Variants in S100Z observed in about 807,000 individuals in gnomAD.
The protein encoded by S100Z is protein S100-Z.
A neutral mutation model predicts 8.5 loss-of-function variants in S100Z; 11 were observed. The observed-to-expected ratio is 1.30, with a 90% confidence interval of 0.82 to 2.15. S100Z has a LOEUF of 2.15. S100Z is among the 30% of genes most tolerant of loss of function. The pLI, the probability that S100Z is intolerant of heterozygous loss-of-function variation, is 0.00. For missense variants in S100Z, 126 were observed against 117.9 expected (o/e 1.07, Z -0.32); for synonymous variants, 34 against 43.8 (o/e 0.78, Z 0.89).
intron 4 of S100Z, among the ~76,000 whole-genome samples, chr5:76,911,324 C>T (rs575935966): frequency 6.6e-6 from 1 of 152,304 alleles, no homozygotes; most frequent in South Asian, 2.1e-4. Flanking sequence ...AGATCTTAGA[C>T]TCATCAAAAA....
chr5:76,880,839 G>C (rs1032447948), intron 4 of S100Z, among the ~76,000 whole-genome samples: 1 of 152,140 alleles, frequency 6.6e-6, no homozygotes, highest in African/African-American at 2.4e-5. Flanking sequence ...AAAATATACA[G>C]AGTCCCCTTT....
At chr5:76,867,286 G>T (rs1742792592) in intron 1 of S100Z, among the ~76,000 whole-genome samples, 1 of 152,156 alleles carries the variant, frequency 6.6e-6, no homozygotes, top group African/African-American at 2.4e-5. Flanking sequence ...CTAGGAAAAT[G>T]ATAGAACATT....
At chr5:76,911,020 G>A (rs533381056) in intron 4 of S100Z, among the ~76,000 whole-genome samples, 85 of 152,252 alleles carry the variant, frequency 5.6e-4, no homozygotes, top group African/African-American at 2.0e-3. Context: ...TGAATATGAG[G>A]AACAAGTTAC....
the S100Z span, among the ~76,000 whole-genome samples, chr5:76,944,587 A>G: frequency 6.6e-6 from 1 of 152,176 alleles, no homozygotes; most frequent in Non-Finnish European, 1.5e-5. Flanking sequence ...GCTGCTGGCA[A>G]GTCCCACCAA....
At chr5:76,938,066 C>G in the S100Z span, among the ~76,000 whole-genome samples, 8 of 151,840 alleles carry the variant, frequency 5.3e-5, no homozygotes, top group Non-Finnish European at 1.2e-4. Context: ...TGCACTCCAA[C>G]CTGGGCAACA....
downstream of S100Z, among the ~76,000 whole-genome samples, chr5:76,921,915 G>A (rs138107805): frequency 0.018 from 2,793 of 151,840 alleles, 32 homozygotes; most frequent in Non-Finnish European, 0.028. Context: ...TTTGAACTCA[G>A]GAGGCAGAGG....
At chr5:76,922,725 G>A (rs866418752), downstream of S100Z, among the ~76,000 whole-genome samples, 7 of 151,962 alleles carry the variant, frequency 4.6e-5, no homozygotes, top group South Asian at 4.1e-4. Context: ...GGGTTTCACC[G>A]TGTCAGCCAG....
At chr5:76,892,626 A>G (rs1409529027) in intron 4 of S100Z, among the ~76,000 whole-genome samples, 1 of 152,138 alleles carries the variant, frequency 6.6e-6, no homozygotes, top group Non-Finnish European at 1.5e-5. Flanking sequence ...TTAAAGAGGA[A>G]AGAGTGGGCA....
At chr5:76,903,454 C>A (rs1207679240) in intron 4 of S100Z, among the ~76,000 whole-genome samples, 1 of 151,930 alleles carries the variant, frequency 6.6e-6, no homozygotes. Context: ...TTTGTTTATT[C>A]AGTTGAAAAA....
intron 1 of S100Z, among the ~76,000 whole-genome samples, chr5:76,860,864 C>T (rs1751035577): frequency 6.6e-6 from 1 of 151,976 alleles, no homozygotes; most frequent in Admixed American, 6.6e-5. Context: ...TTTTGAGAGG[C>T]CACGCATGAT....
the S100Z span, among the ~76,000 whole-genome samples, chr5:76,939,351 A>T: frequency 6.6e-6 from 1 of 150,974 alleles, no homozygotes; most frequent in Non-Finnish European, 1.5e-5. Flanking sequence ...ATGGGGTTTC[A>T]CTGTGTTAGC....
At chr5:76,917,662 A>G (rs1744896530) in intron 4 of S100Z, among the ~76,000 whole-genome samples, 1 of 152,282 alleles carries the variant, frequency 6.6e-6, no homozygotes, top group South Asian at 2.1e-4. Flanking sequence ...ATCTCTATTG[A>G]AAACACAAAA....
chr5:76,887,237 C>T (rs960050126), intron 4 of S100Z, among the ~76,000 whole-genome samples: 3 of 151,276 alleles, frequency 2.0e-5, no homozygotes, highest in African/African-American at 7.3e-5. Flanking sequence ...GCTGGGATTA[C>T]AGGCACCCAC....
At chr5:76,904,717 T>A (rs957529399) in intron 4 of S100Z, among the ~76,000 whole-genome samples, 18 of 144,868 alleles carry the variant, frequency 1.2e-4, no homozygotes, top group African/African-American at 4.9e-4. Context: ...TAAAAAAAAT[T>A]TTTTTTTGGT....
chr5:76,899,784 A>C (rs539271985), intron 4 of S100Z, among the ~76,000 whole-genome samples: 50 of 152,320 alleles, frequency 3.3e-4, no homozygotes, highest in Admixed American at 1.2e-3. Context: ...TAGTTTATAC[A>C]CTACAGTTGC....
At chr5:76,923,714 G>A (rs946693658), downstream of S100Z, among the ~76,000 whole-genome samples, 5 of 152,260 alleles carry the variant, frequency 3.3e-5, no homozygotes, top group South Asian at 2.1e-4. Context: ...TGGGCAAACC[G>A]TTTTTATAGA....
chr5:76,941,616 A>G, the S100Z span, among the ~76,000 whole-genome samples: 202 of 152,312 alleles, frequency 1.3e-3, 3 homozygotes, highest in African/African-American at 4.6e-3. Flanking sequence ...ACAAGGGTGG[A>G]TACTACCAAT....
chr5:76,932,903 C>T, the S100Z span, among the ~76,000 whole-genome samples: 4 of 152,198 alleles, frequency 2.6e-5, no homozygotes, highest in Admixed American at 6.5e-5. Flanking sequence ...CTAAACAAAG[C>T]GGCTTAGTAC....
At chr5:76,859,266 A>C (rs1264843377) in intron 1 of S100Z, among the ~76,000 whole-genome samples, 1 of 152,200 alleles carries the variant, frequency 6.6e-6, no homozygotes, top group Non-Finnish European at 1.5e-5. Flanking sequence ...TATTACAGGA[A>C]CTTTGGAACC....
Sources: allele counts gnomAD v4.1 joint callset (sites outside exome capture counted in the v4.1 genomes callset), GRCh38; gene constraint gnomAD v4.1.1; transcripts MANE v1.5; gene names NCBI Gene and HGNC (gene_info 2026-07-23, HGNC 2026-07-21).